Variants in TBK1 observed in about 807,000 individuals in gnomAD.
The protein encoded by TBK1 is serine/threonine-protein kinase TBK1.
Under a neutral mutation model 99.9 loss-of-function variants are expected in TBK1, and 37 were observed. That is an observed-to-expected ratio of 0.37 (90% CI 0.28 to 0.49). The LOEUF (loss-of-function observed/expected upper bound fraction) is 0.49. Ranked by LOEUF, TBK1 falls within the 20% of genes least tolerant of loss-of-function variation. The probability of loss-of-function intolerance (pLI) is 0.98; values close to 1 mark genes in which losing one functional copy is unlikely to be tolerated. For synonymous variants in TBK1, 258 were observed against 279.8 expected (o/e 0.92, Z 0.78); for missense variants, 644 against 872.5 (o/e 0.74, Z 3.30).
chr12:64,497,837 T>G (rs2040945906), intron 19 of TBK1, 83 bp downstream of exon 19: 1 of 1,417,182 alleles, frequency 7.1e-7, no homozygotes, highest in Admixed American at 2.0e-5. Flanking sequence ...ATTTTGAAAT[T>G]TTTTATGTTT....
intron 6 of TBK1, 52 bp downstream of exon 6, chr12:64,474,442 G>C: frequency 2.6e-6 from 4 of 1,541,546 alleles, no homozygotes; most frequent in Non-Finnish European, 3.5e-6. Context: ...AATGATTTCT[G>C]TCTTGGTTCA....
rs2040771511 is a variant in TBK1, at chr12:64,481,934, C to G, written c.905C>G (p.Thr302Ser). 1.9e-6 allele frequency: 3 copies of G among 1,611,860 alleles called. No homozygotes were observed. The highest frequency in any genetic ancestry group is 2.5e-6 in the Non-Finnish European group (3 of 1,179,116). The change falls in exon 8 of 21, where the codon ACT becomes AGT. Residue 302 changes from threonine to serine, a missense_variant. By Grantham distance (58) the Thr-to-Ser change is moderately conservative. Transcript: ENST00000331710. ...GGTTTTGACCAGTTTTTTGCAGAAACTAGTGATATACTTCACCGAATGGTA... is the reference window on the plus strand; with the variant it reads ...GGTTTTGACCAGTTTTTTGCAGAAAGTAGTGATATACTTCACCGAATGGTA... ...CWGFDQFFAETSDILHRMVIH... is the reference protein window; with the variant it reads ...CWGFDQFFAESSDILHRMVIH...
chr12:64,458,156 A>G, intron 2 of TBK1, among the ~76,000 whole-genome samples: 1 of 151,814 alleles, frequency 6.6e-6, no homozygotes. Flanking sequence ...GGCCCAGTCT[A>G]GTATTTAGTC....
rs994744350 is a variant in TBK1 at position 64,497,271 on chromosome 12, T to A, written c.1959+12T>A. On this transcript the variant is annotated intron_variant, in intron 18 of 20. Coordinates refer to ENST00000331710, the MANE Select transcript of TBK1 (RefSeq NM_013254.4). Reference sequence around the variant, plus strand: ...AATATACTAATGAGGTAGGTACAGCTGTCAAGGAAAAATTAAAATTCTTCT... The same window carrying A: ...AATATACTAATGAGGTAGGTACAGCAGTCAAGGAAAAATTAAAATTCTTCT... 1 of 1,505,826 alleles carries A rather than the reference T, an allele frequency of 6.6e-7. No individual in the cohort carries two copies. Among genetic ancestry groups the A allele is most frequent in the African/African-American group, 1.4e-5 (1 of 71,040 alleles). 93.3% of individuals were successfully genotyped at this position (1,505,826 alleles called of 1,614,324 possible).
intron 4 of TBK1, among the ~76,000 whole-genome samples, chr12:64,465,242 C>CAAAAAAAAAAAAAAAAAA (rs57575805): frequency 8.6e-5 from 5 of 57,910 alleles, no homozygotes; most frequent in Non-Finnish European, 1.5e-4. Context: ...AAGACTATCT[C>CAAAAAAAAAAAAAAAAAA]AAAAAAAAAA....
chr12:64,474,458 T>G (rs1276175093), intron 6 of TBK1, 68 bp downstream of exon 6: 3 of 1,441,272 alleles, frequency 2.1e-6, no homozygotes, highest in Non-Finnish European at 2.9e-6. Context: ...GTTCATCTTA[T>G]TGTTAGTGGT....
chr12:64,488,451 TTAGA>T lies in TBK1; in HGVS notation c.1341-33_1341-30del, dbSNP rs745933702. 1.1e-5 allele frequency: 15 copies of T among 1,321,746 alleles called. 1 individual carries two copies. In the Middle Eastern group the frequency reaches 1.3e-3, roughly 113 times the overall value. The allele number at this position is 1,321,746 out of a possible 1,614,324, so 81.9% of individuals were successfully genotyped here. A position where few individuals can be genotyped will look rare whatever the true frequency, so the allele number is the denominator to read the frequency against. On this transcript the variant is annotated intron_variant, in intron 11 of 20. Transcript: ENST00000331710. ...AGTGATAGATAGAAAAAATAACTCC[TTAGA>T]TAAACTAATTAGAATAATTTTCTTT...
chr12:64,488,284 A>G (rs1295508676), intron 11 of TBK1, among the ~76,000 whole-genome samples: 1 of 152,218 alleles, frequency 6.6e-6, no homozygotes, highest in Non-Finnish European at 1.5e-5. Flanking sequence ...CCTAAGTAGT[A>G]ATGGTTTGTG....
intron 20 of TBK1, among the ~76,000 whole-genome samples, chr12:64,499,620 C>T (rs2040966375): frequency 4.0e-5 from 6 of 149,676 alleles, no homozygotes; most frequent in Admixed American, 3.3e-4. Flanking sequence ...ATCCAGTTTA[C>T]AGTTTCTTCA....
chr12:64,479,493 C>T (rs773831122), intron 6 of TBK1, among the ~76,000 whole-genome samples: 3 of 152,146 alleles, frequency 2.0e-5, no homozygotes, highest in Non-Finnish European at 4.4e-5. Flanking sequence ...TAATGTTAAA[C>T]AAATGTGCTT....
chr12:64,474,211 C>CTTTTTT lies in TBK1; in HGVS notation c.541-14_541-9dup. 1 of 1,349,270 alleles carries CTTTTTT rather than the reference C, an allele frequency of 7.4e-7. No individual in the cohort carries two copies. The highest frequency in any genetic ancestry group is 1.0e-6 in the Non-Finnish European group (1 of 991,552). 83.6% of individuals were successfully genotyped at this position (1,349,270 alleles called of 1,614,324 possible). A position where few individuals can be genotyped will look rare whatever the true frequency, so the allele number is the denominator to read the frequency against. ...TGGGTCACAGGTTCATGATTTTTTT[C>CTTTTTT]TTTTTTTTTTAATCTTAGCACCCTG... On this transcript the variant is annotated intron_variant, in intron 5 of 20. Coordinates refer to ENST00000331710, the MANE Select transcript of TBK1 (RefSeq NM_013254.4).
chr12:64,467,516 C>G (rs1411856006), intron 5 of TBK1, among the ~76,000 whole-genome samples: 1 of 152,038 alleles, frequency 6.6e-6, no homozygotes, highest in African/African-American at 2.4e-5. Flanking sequence ...GAAGATCTAA[C>G]TTGAAATTTT....
intron 5 of TBK1, among the ~76,000 whole-genome samples, chr12:64,468,457 C>T (rs1280293414): frequency 1.3e-5 from 2 of 151,330 alleles, no homozygotes; most frequent in African/African-American, 2.4e-5. Context: ...TGCCACTGCA[C>T]TCCAGCCTGG....
chr12:64,483,834 C>T (rs1206262920), intron 8 of TBK1, among the ~76,000 whole-genome samples: 1 of 152,176 alleles, frequency 6.6e-6, no homozygotes, highest in Non-Finnish European at 1.5e-5. Flanking sequence ...TGGCGTAACC[C>T]TGTCTCTATT....
intron 13 of TBK1, among the ~76,000 whole-genome samples, chr12:64,493,333 T>G (rs1425292600): frequency 6.6e-6 from 1 of 151,998 alleles, no homozygotes; most frequent in African/African-American, 2.4e-5. Flanking sequence ...CTTCTCAGAG[T>G]GGCTCCTGGG....
At chr12:64,483,384 T>C (rs2040787018) in intron 8 of TBK1, among the ~76,000 whole-genome samples, 1 of 152,240 alleles carries the variant, frequency 6.6e-6, no homozygotes, top group Non-Finnish European at 1.5e-5. Context: ...TCTTTTGATG[T>C]CATTGATCTA....
intron 3 of TBK1, among the ~76,000 whole-genome samples, chr12:64,463,738 CA>C (rs1393314483): frequency 4.0e-5 from 6 of 150,512 alleles, no homozygotes; most frequent in Non-Finnish European, 7.4e-5. Context: ...ATGATTTTAA[CA>C]AAACCATTGT....
At chr12:64,486,981 T>A (rs903927296) in intron 11 of TBK1, among the ~76,000 whole-genome samples, 1 of 152,144 alleles carries the variant, frequency 6.6e-6, no homozygotes, top group Middle Eastern at 3.2e-3. Context: ...GAATATATAA[T>A]CTAACAAGCA....
intron 5 of TBK1, among the ~76,000 whole-genome samples, chr12:64,468,774 T>G (rs945052033): frequency 3.9e-5 from 6 of 152,120 alleles, no homozygotes; most frequent in Non-Finnish European, 8.8e-5. Flanking sequence ...TGGGAAAGCC[T>G]CCTTTGAGGA....
Sources: allele counts gnomAD v4.1 joint callset (sites outside exome capture counted in the v4.1 genomes callset), GRCh38; gene constraint gnomAD v4.1.1; transcripts MANE v1.5; gene names NCBI Gene and HGNC (gene_info 2026-07-23, HGNC 2026-07-21).